VWA8: variants seen among roughly 807,000 people sequenced by gnomAD.
VWA8 encodes von Willebrand factor A domain-containing protein 8.
A neutral mutation model predicts 241.5 loss-of-function variants in VWA8; 221 were observed. That is an observed-to-expected ratio of 0.91 (90% confidence interval 0.82 to 1.02). VWA8 has a LOEUF of 1.02. Ranked by LOEUF, VWA8 falls within the 50% of genes least tolerant of loss-of-function variation. The pLI is 0.00. For synonymous variants in VWA8, 852 were observed against 827.1 expected, an observed-to-expected ratio of 1.03 and a Z score of -0.52; for missense variants, 2,322 against 2,328.7, an observed-to-expected ratio of 1.00 and a Z score of 0.06.
chr13:41,737,623 T>C (rs985818154), intron 21 of VWA8, among the ~76,000 whole-genome samples: 3 of 152,220 alleles, frequency 2.0e-5, no homozygotes, highest in Admixed American at 6.5e-5. Flanking sequence ...TCTTTTTGAT[T>C]TCTATTGTAC....
At chr13:41,701,722 A>G (rs1281685757) in intron 27 of VWA8, among the ~76,000 whole-genome samples, 192 bp from the exon 28 acceptor site, 1 of 152,232 alleles carries the variant, frequency 6.6e-6, no homozygotes, top group African/African-American at 2.4e-5. Flanking sequence ...AAATGCTTTC[A>G]CATGTGCTAT....
At position 41,675,289 on chromosome 13, in the gene VWA8, A is replaced by C. The variant is rs1480254526; in HGVS notation, c.4335T>G (p.Thr1445=). The change falls in exon 36 of 45, where the codon ACT becomes ACG. Residue 1445 remains threonine (T), a synonymous_variant. Transcript: ENST00000379310. ...CTATATAACCAGATGTTTGTGGAGGAGTAACATCTACAAACAAGTCATGAC... is the reference window on the plus strand; with the variant it reads ...CTATATAACCAGATGTTTGTGGAGGCGTAACATCTACAAACAAGTCATGAC... The part of the protein sequence containing the change: ...PLKDIYPKDV[T]PPQTSGYIEV... The C allele has an allele frequency of 2.5e-6, 4 of 1,610,714 alleles. No individual in the cohort carries two copies. The highest frequency in any genetic ancestry group is 1.6e-4 in the Middle Eastern group (1 of 6,070).
intron 14 of VWA8, among the ~76,000 whole-genome samples, chr13:41,828,978 A>G (rs1376934149): frequency 6.6e-6 from 1 of 152,190 alleles, no homozygotes; most frequent in East Asian, 1.9e-4. Context: ...CCGATATCAG[A>G]TGGCATACTC....
chr13:41,797,621 T>A (rs1389703711), intron 17 of VWA8, among the ~76,000 whole-genome samples: 1 of 152,190 alleles, frequency 6.6e-6, no homozygotes, highest in Non-Finnish European at 1.5e-5. Flanking sequence ...TGTTCCTTCT[T>A]AGGTATAAAT....
chr13:41,592,727 CA>C (rs34814466), intron 40 of VWA8, among the ~76,000 whole-genome samples: 49,403 of 126,952 alleles, frequency 0.39, 8,555 homozygotes, highest in Non-Finnish European at 0.44. Context: ...CTGTTAATTC[CA>C]AAAAAAAAAA....
At chr13:41,884,342 T>C (rs1874408786) in intron 8 of VWA8, among the ~76,000 whole-genome samples, 3 of 151,108 alleles carry the variant, frequency 2.0e-5, no homozygotes, top group Admixed American at 2.0e-4. Context: ...TTTCCCCTCC[T>C]TCACTCTGCA....
intron 37 of VWA8, among the ~76,000 whole-genome samples, chr13:41,663,367 T>G (rs1447123731): frequency 6.6e-6 from 1 of 152,166 alleles, no homozygotes; most frequent in East Asian, 1.9e-4. Flanking sequence ...GACTTGTTAT[T>G]ATTTTGAAGT....
At chr13:41,758,199 G>A (rs2045707928) in intron 21 of VWA8, among the ~76,000 whole-genome samples, 1 of 150,896 alleles carries the variant, frequency 6.6e-6, no homozygotes, top group South Asian at 2.1e-4. Context: ...CCATCAGCAA[G>A]TTAGAAGTAT....
chr13:41,600,281 T>G lies in VWA8; in HGVS notation c.4986+4887A>C, dbSNP rs76260775. On this transcript the variant is annotated intron_variant, in intron 40 of 44. Transcript: ENST00000379310. ...AATGGTCACCTGGCAAAGACTGAGT[T>G]AGAGATGCCCATAGTCATGCAGCCC... Among the ~76,000 whole-genome samples, 525 of 152,230 alleles carry G rather than the reference T, an allele frequency of 3.4e-3. 3 individuals carry two copies. The highest frequency in any genetic ancestry group is 0.012 in the African/African-American group (508 of 41,566).
At chr13:41,626,600 C>A (rs1169618778) in intron 37 of VWA8, among the ~76,000 whole-genome samples, 4 of 151,944 alleles carry the variant, frequency 2.6e-5, no homozygotes, top group African/African-American at 9.7e-5. Context: ...GTTAACGAAC[C>A]CCAAAGTAAA....
At chr13:41,916,485 T>A (rs1019974864) in intron 2 of VWA8, among the ~76,000 whole-genome samples, 1 of 152,246 alleles carries the variant, frequency 6.6e-6, no homozygotes, top group African/African-American at 2.4e-5. Context: ...GTGGTATCAA[T>A]GGTATGTTTT....
At chr13:41,892,062 T>C (rs771445219) in intron 4 of VWA8, among the ~76,000 whole-genome samples, 17 of 152,134 alleles carry the variant, frequency 1.1e-4, no homozygotes, top group African/African-American at 4.1e-4. Flanking sequence ...TCCAAATAAA[T>C]TGAGGTTTTG....
chr13:41,813,375 C>G (rs1484863789), intron 16 of VWA8, among the ~76,000 whole-genome samples: 1 of 150,758 alleles, frequency 6.6e-6, no homozygotes, highest in East Asian at 1.9e-4. Flanking sequence ...AACTGACTTG[C>G]TATGAGAAAG....
chr13:41,840,311 T>C (rs1333889652), intron 12 of VWA8, among the ~76,000 whole-genome samples: 3 of 151,948 alleles, frequency 2.0e-5, no homozygotes, highest in African/African-American at 7.3e-5. Flanking sequence ...GGGGCCTGTC[T>C]GGGGATGGCG....
At chr13:41,730,144 G>A (rs2045471030) in intron 22 of VWA8, among the ~76,000 whole-genome samples, 1 of 152,058 alleles carries the variant, frequency 6.6e-6, no homozygotes, top group Admixed American at 6.5e-5. Flanking sequence ...AATGGATAGT[G>A]GAGAAAAGGT....
chr13:41,891,161 T>C (rs1391570226), intron 5 of VWA8, among the ~76,000 whole-genome samples: 1 of 108,894 alleles, frequency 9.2e-6, no homozygotes, highest in South Asian at 2.8e-4. Context: ...GAAGAAAAAA[T>C]AGGAAAAAAA....
chr13:41,947,548 A>C (rs925306891), intron 2 of VWA8, among the ~76,000 whole-genome samples: 2 of 152,264 alleles, frequency 1.3e-5, no homozygotes, highest in African/African-American at 4.8e-5. Flanking sequence ...GTAATAAAAA[A>C]GACAAACAAT....
At chr13:41,618,052 C>T (rs2044633110) in intron 37 of VWA8, among the ~76,000 whole-genome samples, 1 of 152,192 alleles carries the variant, frequency 6.6e-6, no homozygotes, top group Non-Finnish European at 1.5e-5. Context: ...GGAACTGCCA[C>T]ACTGTCTTCC....
At chr13:41,865,673 T>C (rs1873256247) in intron 12 of VWA8, 63 bp downstream of exon 12, 1 of 1,560,962 alleles carries the variant, frequency 6.4e-7, no homozygotes, top group African/African-American at 1.4e-5. Flanking sequence ...TATCCATAAA[T>C]TCTGCTGATG....
Sources: gnomAD v4.1 joint callset for allele counts (sites outside exome capture counted in the v4.1 genomes callset) on GRCh38, gnomAD v4.1.1 for gene constraint, MANE v1.5 for transcripts, NCBI Gene and HGNC (gene_info 2026-07-23, HGNC 2026-07-21) for gene names.